Variants in RAB41 observed in about 807,000 individuals in gnomAD.
RAB41 encodes the protein RAB41, member RAS oncogene family, also known as ras-related protein Rab-41.
A neutral mutation model predicts 19.0 loss-of-function variants in RAB41; 15 were observed. That is an observed-to-expected ratio of 0.79 (90% confidence interval 0.53 to 1.21). The LOEUF (loss-of-function observed/expected upper bound fraction) is 1.21. RAB41 is among the 50% of genes most tolerant of loss of function. The pLI is 0.00. For missense variants in RAB41, 177 were observed against 179.7 expected, an observed-to-expected ratio of 0.99 and a Z score of 0.09; for synonymous variants, 73 against 64.7, an observed-to-expected ratio of 1.13 and a Z score of -0.62.
chrX:70,282,341 G>C lies in RAB41; in HGVS notation c.124G>C (p.Val42Leu), dbSNP rs372933858. 4 of 1,209,864 alleles carry C rather than the reference G, an allele frequency of 3.3e-6. No homozygotes were observed. The highest frequency in any genetic ancestry group is 3.5e-5 in the African/African-American group (2 of 57,153). ...ACTCTTATTCCTGGGAGAGCAGAGC[G>C]GTGTGGGTCTGGGTTGGGCTTTGGG... is the stretch of plus-strand genomic sequence containing the variant. ...SKLLFLGEQS[V>L]GKTSIISRFM... The change falls in exon 1 of 8, where the codon GTA becomes CTA. Residue 42 changes from valine to leucine, a missense_variant and splice_region_variant. Val to Leu is a conservative substitution (Grantham distance 32). Coordinates refer to ENST00000374473, the MANE Select transcript of RAB41 (RefSeq NM_001363807.1).
Position 70,284,793 on chromosome X carries a change from T to C in RAB41, c.*150T>C, listed in dbSNP as rs184704770. On this transcript the variant is annotated 3_prime_UTR_variant, in exon 8 of 8. Coordinates refer to ENST00000374473, the MANE Select transcript of RAB41 (RefSeq NM_001363807.1). ...GTAAAAACAGAACCCCTGAAAGTGCTATCATTTTTTCCTGACCGCATCTCA... is the reference window on the plus strand; with the variant it reads ...GTAAAAACAGAACCCCTGAAAGTGCCATCATTTTTTCCTGACCGCATCTCA... 7.7e-4 allele frequency: 374 copies of C among 488,295 alleles called. 2 individuals carry two copies. The African/African-American group carries it at 7.8e-3, about 10-fold the overall frequency. The allele number at this position is 488,295 out of a possible 1,213,427, so 40.2% of individuals were successfully genotyped here. A position where few individuals can be genotyped will look rare whatever the true frequency, so the allele number is the denominator to read the frequency against.
chrX:70,282,924 A>T (rs2085696746), intron 3 of RAB41, 69 bp downstream of exon 3: 1 of 920,600 alleles, frequency 1.1e-6, no homozygotes. Context: ...ACAGTTGGGT[A>T]GCACCATCAA....
In RAB41 at chrX:70,284,004, T is replaced by C; in HGVS notation, c.510T>C (p.Phe170=). 8.3e-7 allele frequency: 1 copy of C among 1,207,384 alleles called. No homozygotes were observed. Among genetic ancestry groups the C allele is most frequent in the Non-Finnish European group, 1.1e-6 (1 of 891,442 alleles). Reference sequence around the variant, plus strand: ...AATCCAGAAACCTCAATGTGATGTTTATTGAGACCAGTGCCAAAACCGGTT... The same window carrying C: ...AATCCAGAAACCTCAATGTGATGTTCATTGAGACCAGTGCCAAAACCGGTT... ...EEKSRNLNVM[F]IETSAKTGYN... Residue 170 remains phenylalanine (F), a synonymous_variant, in exon 6 of 8, where the codon TTT becomes TTC. Coordinates refer to ENST00000374473, the MANE Select transcript of RAB41 (RefSeq NM_001363807.1).
At chrX:70,282,932 C>G (rs751631494) in intron 3 of RAB41, 77 bp downstream of exon 3, 2 of 842,199 alleles carry the variant, frequency 2.4e-6, no homozygotes, top group Non-Finnish European at 3.5e-6. Flanking sequence ...GTAGCACCAT[C>G]AAAAAAAACT....
rs760592301 is a variant in RAB41 at position 70,282,177 on chromosome X, T to C, written c.-41T>C. On this transcript the variant is annotated 5_prime_UTR_variant, in exon 1 of 8. Coordinates refer to ENST00000374473, the MANE Select transcript of RAB41 (RefSeq NM_001363807.1). ...TGGCGTGAAGTCCGGCGGCTCAGGC[T>C]GAGCGTTGGAAGCCATTTTGGCTGC... 2 of 1,209,537 alleles carry C rather than the reference T, an allele frequency of 1.7e-6. No individual in the cohort carries two copies. The highest frequency in any genetic ancestry group is 4.3e-5 in the Admixed American group (2 of 46,108).
At chrX:70,283,692 C>T in intron 5 of RAB41, 68 bp downstream of exon 5, 4 of 772,146 alleles carry the variant, frequency 5.2e-6, no homozygotes. Flanking sequence ...GTCAACTGTC[C>T]TCTATTTACT....
intron 3 of RAB41, 32 bp from the exon 4 acceptor site, chrX:70,283,236 C>T: frequency 8.9e-7 from 1 of 1,121,852 alleles, no homozygotes. Flanking sequence ...GTCTACCTTT[C>T]CCCCATCTTC....
At chrX:70,282,478 T>C (rs967227040) in intron 1 of RAB41, 55 bp from the exon 2 acceptor site, 4 of 1,174,386 alleles carry the variant, frequency 3.4e-6, no homozygotes, top group African/African-American at 1.8e-5. Flanking sequence ...CATAGAAACT[T>C]TGAGGGGAGA....
rs1162403958 is a variant in RAB41 at position 70,284,317 on chromosome X, C to T, written c.601C>T (p.Pro201Ser). Reference protein sequence around the residue: ...ALLSTRTSPPPKEGTVEIELE... With the variant: ...ALLSTRTSPPSKEGTVEIELE... ...TCTTTCCACAAGGACTTCACCTCCA[C>T]CAAAAGAGGGGAGTATCCTTTTTCC... Residue 201 changes from proline to serine, a missense_variant, in exon 7 of 8, where the codon CCA becomes TCA. By Grantham distance (74) the Pro-to-Ser change is moderately conservative (BLOSUM62 -1). Coordinates refer to ENST00000374473, the MANE Select transcript of RAB41 (RefSeq NM_001363807.1). 2 of 1,208,971 alleles carry T rather than the reference C, an allele frequency of 1.7e-6. No homozygotes were observed. Among genetic ancestry groups the T allele is most frequent in the South Asian group, 1.8e-5 (1 of 56,807 alleles).
Position 70,284,824 on chromosome X carries a change from ACTGGGTGGAAGCTTCTTGCAGCAC to A in RAB41, c.*187_*210del, listed in dbSNP as rs1431703475. On this transcript the variant is annotated 3_prime_UTR_variant, in exon 8 of 8. Transcript: ENST00000374473. ...TTTTTCCTGACCGCATCTCACAGCT[ACTGGGTGGAAGCTTCTTGCAGCAC>A]CTGGGAATTCTACCTTACCTTCTCC... The A allele has an allele frequency of 1.6e-5, 7 of 450,888 alleles. No individual in the cohort carries two copies. The highest frequency in any genetic ancestry group is 3.5e-4 in the Middle Eastern group (1 of 2,858). 37.2% of individuals were successfully genotyped at this position (450,888 alleles called of 1,213,427 possible).
At position 70,283,571 on chromosome X, in the gene RAB41, T is replaced by G. The variant is rs764035175; in HGVS notation, c.402T>G (p.Gly134=). 10 of 1,207,904 alleles carry G rather than the reference T, an allele frequency of 8.3e-6. No homozygotes were observed. The East Asian group carries it at 2.7e-4, about 32-fold the overall frequency. Residue 134 remains glycine (G), a synonymous_variant, in exon 5 of 8, where the codon GGT becomes GGG. Coordinates refer to ENST00000374473, the MANE Select transcript of RAB41 (RefSeq NM_001363807.1). ...KWVEHVRAER[G]DDVVIMLLGN... ...TAGAACACGTGCGAGCAGAAAGAGG[T>G]GACGATGTTGTCATCATGTTGTTGG...
chrX:70,282,981 G>A (rs2085697084), intron 3 of RAB41, 126 bp downstream of exon 3: 1 of 573,919 alleles, frequency 1.7e-6, no homozygotes. Context: ...GATGTTTCTT[G>A]TTCTGTCTGC....
At position 70,283,325 on chromosome X, in the gene RAB41, A is replaced by C; in HGVS notation, c.295A>C (p.Ser99Arg). The C allele has an allele frequency of 1.7e-6, 2 of 1,211,127 alleles. No individual in the cohort carries two copies. The highest frequency in any genetic ancestry group is 2.2e-6 in the Non-Finnish European group (2 of 894,640). The change falls in exon 4 of 8, where the codon AGC (serine) becomes CGC (arginine). Residue 99 changes from serine to arginine, a missense_variant. Ser to Arg is a moderately radical substitution (Grantham distance 110). Coordinates refer to ENST00000374473, the MANE Select transcript of RAB41 (RefSeq NM_001363807.1). ...GGAGCGCTTTCACAGCCTAATTCCT[A>C]GCTACATTCGTGATTCAACTATTGC... ...GQERFHSLIPSYIRDSTIAVV... is the reference protein window; with the variant it reads ...GQERFHSLIPRYIRDSTIAVV...
intron 5 of RAB41, 92 bp downstream of exon 5, chrX:70,283,716 C>G: frequency 1.6e-6 from 1 of 644,069 alleles, no homozygotes; most frequent in Non-Finnish European, 2.5e-6. Context: ...GGAGGAGTTA[C>G]CTTAGTCCCC....
In RAB41 at chrX:70,283,598, T is replaced by TA; in HGVS notation, c.431dup (p.Asn144LysfsTer4). 1 of 1,200,056 alleles carries TA rather than the reference T, an allele frequency of 8.3e-7. No individual in the cohort carries two copies. Among genetic ancestry groups the TA allele is most frequent in the Non-Finnish European group, 1.1e-6 (1 of 884,726 alleles). ...ACGATGTTGTCATCATGTTGTTGGG[T>TA]AACAAGATTGATTTGGATAACAAAA... On this transcript the variant is annotated frameshift_variant, in exon 5 of 8. Coordinates refer to ENST00000374473, the MANE Select transcript of RAB41 (RefSeq NM_001363807.1). LOFTEE classifies it high-confidence loss of function.
chrX:70,282,791 T>C lies in RAB41; in HGVS notation c.184-11T>C. On this transcript the variant is annotated splice_polypyrimidine_tract_variant and intron_variant, in intron 2 of 7. Coordinates refer to ENST00000374473, the MANE Select transcript of RAB41 (RefSeq NM_001363807.1). ...AGGGAATGCTGGAGTGTATCTGATT[T>C]TCTTTTGCAGGCAACTGTTGGAATT... is the stretch of plus-strand genomic sequence containing the variant. 8.3e-7 allele frequency: 1 copy of C among 1,209,564 alleles called. No homozygotes were observed. Among genetic ancestry groups the C allele is most frequent in the Non-Finnish European group, 1.1e-6 (1 of 893,374 alleles).
At chrX:70,283,874 A>T in intron 5 of RAB41, 76 bp from the exon 6 acceptor site, 1 of 734,070 alleles carries the variant, frequency 1.4e-6, no homozygotes, top group Non-Finnish European at 2.1e-6. Context: ...GGCCCTAGGT[A>T]AGCATCATTA....
Position 70,284,471 on chromosome X carries a change from G to T in RAB41, c.614-117G>T, listed in dbSNP as rs1185356362. ...AAAGTAGTTCCTTCGTTTGCCTTTA[G>T]GTGAGAGGGATTGTAAGATCAGAAT... On this transcript the variant is annotated intron_variant, in intron 7 of 7. Coordinates refer to ENST00000374473, the MANE Select transcript of RAB41 (RefSeq NM_001363807.1). The T allele has an allele frequency of 1.1e-5, 10 of 930,391 alleles. 1 individual carries two copies. The highest frequency in any genetic ancestry group is 1.5e-5 in the Non-Finnish European group (10 of 646,095). 76.7% of individuals were successfully genotyped at this position (930,391 alleles called of 1,213,427 possible). A position where few individuals can be genotyped will look rare whatever the true frequency, so the allele number is the denominator to read the frequency against.
At chrX:70,282,401 G>C (rs1313192318) in intron 1 of RAB41, 60 bp downstream of exon 1, 1 of 1,180,623 alleles carries the variant, frequency 8.5e-7, no homozygotes, top group African/African-American at 1.8e-5. Context: ...AATGGGGTGG[G>C]GCATTCTCTG....
Sources: gnomAD v4.1 joint callset for allele counts on GRCh38, gnomAD v4.1.1 for gene constraint, MANE v1.5 for transcripts, NCBI Gene and HGNC (gene_info 2026-07-23, HGNC 2026-07-21) for gene names.